Variants in HIVEP3 observed in about 807,000 individuals in gnomAD.
HIVEP3 encodes HIVEP zinc finger 3.
HIVEP3 carries 49 observed loss-of-function variants against 152.8 expected under a neutral mutation model. The observed-to-expected ratio is 0.32, with a 90% CI of 0.26 to 0.41. The LOEUF is 0.41. Ranked by LOEUF, HIVEP3 falls within the 10% of genes least tolerant of loss-of-function variation. The pLI is 1.00. For missense variants in HIVEP3, 2,790 were observed against 3,103.3 expected, an observed-to-expected ratio of 0.90 and a Z score of 2.40; for synonymous variants, 1,269 against 1,289.0, an observed-to-expected ratio of 0.98 and a Z score of 0.33.
rs1424255859 is a variant in HIVEP3, at chr1:41,662,033, C to T, written c.-720-33086G>A. 1.3e-5 allele frequency: 2 copies of T among 152,028 alleles called. No homozygotes were observed. The highest frequency in any genetic ancestry group is 2.4e-5 in the African/African-American group (1 of 41,420). 9.4% of individuals were successfully genotyped at this position (152,028 alleles called of 1,614,324 possible). On this transcript the variant is annotated intron_variant, in intron 2 of 8. Transcript: ENST00000372583. The surrounding 1 kb of genome is among the most constrained non-coding windows in gnomAD (Gnocchi z 7.2). ...CCCGCGCCCAGCCCTCTCCCACCGA[C>T]GCGGCTCCCTCCGGTCCCTCTGCCG...
At chr1:41,537,027 T>G (rs1313483298) in intron 5 of HIVEP3, among the ~76,000 whole-genome samples, 3 of 152,216 alleles carry the variant, frequency 2.0e-5, no homozygotes, top group Non-Finnish European at 4.4e-5. Context: ...GGAGCTAAAC[T>G]TCTGGCTCAA....
At chr1:41,951,344 T>C (rs1450342259) in intron 1 of HIVEP3, among the ~76,000 whole-genome samples, 1 of 152,148 alleles carries the variant, frequency 6.6e-6, no homozygotes, top group Non-Finnish European at 1.5e-5. Context: ...TATATAAAGA[T>C]TAAAACGAGA....
intron 1 of HIVEP3, among the ~76,000 whole-genome samples, chr1:41,746,264 T>C (rs1467701973): frequency 6.6e-6 from 1 of 152,192 alleles, no homozygotes; most frequent in Non-Finnish European, 1.5e-5. Context: ...CACCTCGCAT[T>C]TATTATCTGT....
At chr1:41,802,923 C>G (rs914945636) in intron 1 of HIVEP3, among the ~76,000 whole-genome samples, 1 of 152,194 alleles carries the variant, frequency 6.6e-6, no homozygotes, top group Non-Finnish European at 1.5e-5. Context: ...AGAGGCATTG[C>G]CAAAGTGAGT....
chr1:41,958,553 G>A (rs549186028), intron 1 of HIVEP3, among the ~76,000 whole-genome samples: 11 of 152,310 alleles, frequency 7.2e-5, no homozygotes, highest in African/African-American at 2.6e-4. Flanking sequence ...AGGGCCGGGG[G>A]TCACAAGCTG....
chr1:41,708,559 T>A (rs1385685933), intron 1 of HIVEP3, among the ~76,000 whole-genome samples: 1 of 152,212 alleles, frequency 6.6e-6, no homozygotes, highest in Non-Finnish European at 1.5e-5. Context: ...GATTAGTTCC[T>A]GTTTTCTGGT....
intron 1 of HIVEP3, among the ~76,000 whole-genome samples, chr1:42,023,468 C>T (rs550035114): frequency 6.4e-4 from 97 of 152,254 alleles, no homozygotes; most frequent in Non-Finnish European, 1.1e-3. Flanking sequence ...ATCTGTGTCC[C>T]TGCCCAAATC....
At position 41,581,772 on chromosome 1, in the gene HIVEP3, C is replaced by A; in HGVS notation, c.3026G>T (p.Arg1009Leu). The A allele has an allele frequency of 6.3e-7, 1 of 1,592,586 alleles. No homozygotes were observed. Among genetic ancestry groups the A allele is most frequent in the Non-Finnish European group, 8.6e-7 (1 of 1,169,192 alleles). The change falls in exon 4 of 9, where the codon CGC (arginine) becomes CTC (leucine). Residue 1009 changes from arginine to leucine, a missense_variant. Coordinates refer to ENST00000372583, the MANE Select transcript of HIVEP3 (RefSeq NM_024503.5). This position sits in a 1 kb window ranked among gnomAD's most constrained non-coding sequence, Gnocchi z 4.5. ...VSHSAHMTET[R>L]SKSFDYGSLS... is the part of the protein sequence containing the mutation. ...GCTGCCATAGTCAAAGGATTTGCTG[C>A]GTGTCTCGGTCATGTGGGCAGAATG...
intron 1 of HIVEP3, among the ~76,000 whole-genome samples, chr1:41,876,116 G>GTTT (rs67320823): frequency 1.3e-4 from 19 of 146,614 alleles, no homozygotes; most frequent in Admixed American, 1.4e-4. Context: ...AGAGTGTTAA[G>GTTT]TTTTTTTTTT....
intron 1 of HIVEP3, among the ~76,000 whole-genome samples, chr1:41,874,161 G>A (rs1328059475): frequency 6.6e-6 from 1 of 152,200 alleles, no homozygotes; most frequent in African/African-American, 2.4e-5. Flanking sequence ...CTGCCTTAAA[G>A]TTCCCTTATC....
chr1:41,851,735 C>A (rs1643607521), intron 1 of HIVEP3, among the ~76,000 whole-genome samples: 1 of 152,204 alleles, frequency 6.6e-6, no homozygotes, highest in Admixed American at 6.5e-5. Context: ...TGCCCTTAGG[C>A]TGGTGTTCTC....
intron 1 of HIVEP3, among the ~76,000 whole-genome samples, chr1:41,999,657 C>G (rs1459981126): frequency 6.6e-6 from 1 of 152,036 alleles, no homozygotes; most frequent in Non-Finnish European, 1.5e-5. Flanking sequence ...GCAGCAAGAT[C>G]AAAGATGATT....
chr1:41,907,327 G>A (rs1216178676), intron 1 of HIVEP3, among the ~76,000 whole-genome samples: 3 of 152,138 alleles, frequency 2.0e-5, no homozygotes, highest in African/African-American at 7.2e-5. Context: ...AGGTAGAGAG[G>A]ACAGAGGAAG....
At chr1:41,528,533 A>C (rs1569759451) in intron 5 of HIVEP3, among the ~76,000 whole-genome samples, 3 of 832 alleles carry the variant, frequency 3.6e-3, no homozygotes, top group Admixed American at 0.023. Flanking sequence ...CCTCACATTC[A>C]CCCTGACTCA....
intron 1 of HIVEP3, among the ~76,000 whole-genome samples, chr1:41,745,175 A>C (rs1647053407): frequency 2.0e-5 from 3 of 152,152 alleles, no homozygotes; most frequent in African/African-American, 7.2e-5. Context: ...ACCCATACTC[A>C]AGACATTTCC....
rs970227216 is a variant in HIVEP3 at position 41,509,393 on chromosome 1, A to G, written c.*1058T>C. On this transcript the variant is annotated 3_prime_UTR_variant, in exon 9 of 9. Transcript: ENST00000372583. ...AAACCTCTGCTGTGGAGAACTGGAA[A>G]AACCCAGCCATGAGGGGAACAGGCT... The G allele has an allele frequency of 2.0e-5, 3 of 152,202 alleles. No homozygotes were observed. Among genetic ancestry groups the G allele is most frequent in the African/African-American group, 7.2e-5 (3 of 41,420 alleles). 9.4% of individuals were successfully genotyped at this position (152,202 alleles called of 1,614,324 possible). A position where few individuals can be genotyped will look rare whatever the true frequency, so the allele number is the denominator to read the frequency against.
At chr1:41,634,256 A>C (rs560735112) in intron 2 of HIVEP3, among the ~76,000 whole-genome samples, 1 of 152,340 alleles carries the variant, frequency 6.6e-6, no homozygotes, top group East Asian at 1.9e-4. Flanking sequence ...GGTGAAGTGA[A>C]GTCTAAACAA....
At chr1:41,696,804 T>C (rs1175128364) in intron 2 of HIVEP3, among the ~76,000 whole-genome samples, 2 of 152,238 alleles carry the variant, frequency 1.3e-5, no homozygotes, top group Non-Finnish European at 2.9e-5. Context: ...AGGAATTCAC[T>C]AAATAGCCCA....
At position 41,937,984 on chromosome 1, in the gene HIVEP3, T is replaced by C. The variant is rs575390736; in HGVS notation, n.120-19460A>G. Among the ~76,000 whole-genome samples, 38 of 152,346 alleles carry C rather than the reference T, an allele frequency of 2.5e-4. No individual in the cohort carries two copies. The South Asian group carries it at 7.7e-3, about 31-fold the overall frequency. On this transcript the variant is annotated intron_variant and non_coding_transcript_variant, in intron 1 of 3. Coordinates refer to the HIVEP3 transcript ENST00000489103. ...CATTGTTTTTATCTGTTAACACCAC[T>C]GTATGTGTCTGGGGTGTGTCACCAG...
Sources: gnomAD v4.1 joint callset for allele counts (sites outside exome capture counted in the v4.1 genomes callset) on GRCh38, gnomAD v4.1.1 for gene constraint, Gnocchi (gnomAD v3.1) non-coding constraint, MANE v1.5 for transcripts, NCBI Gene and HGNC (gene_info 2026-07-23, HGNC 2026-07-21) for gene names.